Variants in SLC22A3 observed in about 807,000 individuals in gnomAD.
SLC22A3 encodes the protein solute carrier family 22 member 3.
A neutral mutation model predicts 59.1 loss-of-function variants in SLC22A3; 51 were observed. The ratio of observed to expected loss-of-function variants is 0.86; its 90% CI spans 0.69 to 1.09. SLC22A3 has a LOEUF of 1.09. Among genes scored for constraint, SLC22A3 ranks in the 50% least tolerant of loss-of-function variants. The probability of loss-of-function intolerance (pLI) is 0.00; values close to 1 mark genes in which losing one functional copy is unlikely to be tolerated. For missense variants in SLC22A3, 711 were observed against 726.3 expected (o/e 0.98, Z 0.24); for synonymous variants, 325 against 292.0 (o/e 1.11, Z -1.15).
chr6:160,354,485 TAA>T (rs1784764167), intron 1 of SLC22A3, among the ~76,000 whole-genome samples: 1 of 152,170 alleles, frequency 6.6e-6, no homozygotes. Flanking sequence ...CCTGGAGCTG[TAA>T]GTTTGCTGAT....
At chr6:160,389,394 C>T (rs1439783531) in intron 1 of SLC22A3, among the ~76,000 whole-genome samples, 3 of 152,270 alleles carry the variant, frequency 2.0e-5, no homozygotes, top group East Asian at 1.9e-4. Context: ...AATAATCCAA[C>T]GTGGCCATGT....
intron 1 of SLC22A3, among the ~76,000 whole-genome samples, chr6:160,354,804 C>T (rs1392143080): frequency 1.3e-5 from 2 of 152,056 alleles, no homozygotes; most frequent in Non-Finnish European, 1.5e-5. Flanking sequence ...ATATCTCGGA[C>T]ACTAATTTGC....
intron 1 of SLC22A3, among the ~76,000 whole-genome samples, chr6:160,353,104 G>A (rs1412625782): frequency 6.6e-6 from 1 of 152,194 alleles, no homozygotes; most frequent in Non-Finnish European, 1.5e-5. Flanking sequence ...ACTGCACCCA[G>A]CCTAATAGTT....
intron 5 of SLC22A3, among the ~76,000 whole-genome samples, chr6:160,435,109 CACTCACAGTTGAA>C (rs1788289658): frequency 6.6e-6 from 1 of 152,164 alleles, no homozygotes. Context: ...ATCACAGTGC[CACTCACAGTTGAA>C]AAAGAGGATA....
At chr6:160,383,543 CT>C (rs34587497) in intron 1 of SLC22A3, among the ~76,000 whole-genome samples, 38,931 of 151,604 alleles carry the variant, frequency 0.26, 5,304 homozygotes, top group East Asian at 0.37. Context: ...CATAGAATTT[CT>C]TTTTTTTTCC....
chr6:160,385,530 C>T (rs1382985860), intron 1 of SLC22A3, among the ~76,000 whole-genome samples: 1 of 152,180 alleles, frequency 6.6e-6, no homozygotes, highest in African/African-American at 2.4e-5. Context: ...CCCCTCTGAC[C>T]TCTGTACTGT....
intron 7 of SLC22A3, among the ~76,000 whole-genome samples, chr6:160,437,847 G>A (rs1465944515): frequency 2.0e-5 from 3 of 152,174 alleles, no homozygotes; most frequent in Non-Finnish European, 2.9e-5. Context: ...GAGGACGGAC[G>A]TTTCCAAACT....
chr6:160,364,855 A>G (rs562801769), intron 1 of SLC22A3, among the ~76,000 whole-genome samples: 21 of 152,348 alleles, frequency 1.4e-4, no homozygotes, highest in Middle Eastern at 3.4e-3. Context: ...AATAATTGAA[A>G]AGGCAATGGC....
chr6:160,448,432 A>T (rs1432443791), intron 10 of SLC22A3, among the ~76,000 whole-genome samples: 1 of 152,220 alleles, frequency 6.6e-6, no homozygotes, highest in Admixed American at 6.5e-5. Context: ...TAGATAAATG[A>T]TAAATAATAG....
At chr6:160,371,203 T>C (rs571139619) in intron 1 of SLC22A3, among the ~76,000 whole-genome samples, 1 of 152,334 alleles carries the variant, frequency 6.6e-6, no homozygotes, top group African/African-American at 2.4e-5. Context: ...ATTATTATAC[T>C]TTAAGTTCTG....
intron 1 of SLC22A3, chr6:160,349,106 T>C (rs1784575653): frequency 1.0e-6 from 1 of 981,434 alleles, no homozygotes; most frequent in African/African-American, 1.7e-5. Context: ...ACAAAAACTT[T>C]CTTCGAAGCC....
At chr6:160,403,434 C>T (rs1786872346) in intron 2 of SLC22A3, among the ~76,000 whole-genome samples, 1 of 151,786 alleles carries the variant, frequency 6.6e-6, no homozygotes, top group South Asian at 2.1e-4. Flanking sequence ...AAGCACCAGG[C>T]CCAGATGGGT....
In SLC22A3 at chr6:160,372,596, A is replaced by G. The variant is rs141923760; in HGVS notation, c.429+23748A>G. Among the ~76,000 whole-genome samples, 365 of 152,114 alleles carry G rather than the reference A, an allele frequency of 2.4e-3. 3 individuals carry two copies. The highest frequency in any genetic ancestry group is 8.5e-3 in the African/African-American group (353 of 41,548). On this transcript the variant is annotated intron_variant, in intron 1 of 10. Transcript: ENST00000275300. ...ATAATATCCTGAAGAGTGTTTTCCA[A>G]CTTGGATCCATTCTACCCATCACTT...
At chr6:160,382,631 A>C (rs1045357719) in intron 1 of SLC22A3, among the ~76,000 whole-genome samples, 1 of 152,196 alleles carries the variant, frequency 6.6e-6, no homozygotes, top group Non-Finnish European at 1.5e-5. Flanking sequence ...AGCTAGTAAG[A>C]CATGCAAGGA....
At chr6:160,388,242 T>A (rs1318678070) in intron 1 of SLC22A3, among the ~76,000 whole-genome samples, 1 of 152,218 alleles carries the variant, frequency 6.6e-6, no homozygotes, top group Non-Finnish European at 1.5e-5. Context: ...ATGCCTGCAG[T>A]CATATTCTTT....
intron 7 of SLC22A3, among the ~76,000 whole-genome samples, chr6:160,441,223 T>C (rs1016580842): frequency 2.6e-5 from 4 of 152,146 alleles, no homozygotes; most frequent in African/African-American, 9.7e-5. Flanking sequence ...AATCTGAGTC[T>C]CTGCTCCCAC....
At chr6:160,429,165 G>A (rs1332697169) in intron 5 of SLC22A3, among the ~76,000 whole-genome samples, 8 of 152,286 alleles carry the variant, frequency 5.3e-5, no homozygotes, top group African/African-American at 1.4e-4. Flanking sequence ...TCCCCCAATC[G>A]GTGAGCCCAA....
At chr6:160,407,701 A>G (rs975836103) in intron 3 of SLC22A3, among the ~76,000 whole-genome samples, 2 of 152,162 alleles carry the variant, frequency 1.3e-5, no homozygotes, top group African/African-American at 2.4e-5. Flanking sequence ...GATACCTTCT[A>G]TAGCCAGAAA....
chr6:160,416,739 C>G (rs1429976940), intron 5 of SLC22A3, among the ~76,000 whole-genome samples: 1 of 152,196 alleles, frequency 6.6e-6, no homozygotes, highest in Non-Finnish European at 1.5e-5. Flanking sequence ...TGTTTCTTGC[C>G]TTACACCTGG....
Sources: allele counts gnomAD v4.1 joint callset (sites outside exome capture counted in the v4.1 genomes callset), GRCh38; gene constraint gnomAD v4.1.1; transcripts MANE v1.5; gene names NCBI Gene and HGNC (gene_info 2026-07-23, HGNC 2026-07-21).